SLC25A18: variants seen among roughly 807,000 people sequenced by gnomAD.
SLC25A18 encodes the protein solute carrier family 25 member 18, also known as mitochondrial glutamate carrier 2.
A neutral mutation model predicts 31.1 loss-of-function variants in SLC25A18; 24 were observed. The ratio of observed to expected loss-of-function variants is 0.77; its 90% CI spans 0.56 to 1.08. The LOEUF is 1.08. Ranked by LOEUF, SLC25A18 falls within the 50% of genes least tolerant of loss-of-function variation. The pLI, the probability that SLC25A18 is intolerant of heterozygous loss-of-function variation, is 0.00. For synonymous variants in SLC25A18, 173 were observed against 161.9 expected (o/e 1.07, Z -0.52); for missense variants, 371 against 418.5 (o/e 0.89, Z 0.99).
At chr22:17,586,398 C>G (rs1294896023) in intron 7 of SLC25A18, among the ~76,000 whole-genome samples, 4 of 149,194 alleles carry the variant, frequency 2.7e-5, no homozygotes, top group Non-Finnish European at 5.9e-5. Context: ...AATCCCAGCA[C>G]TTTGGGAGGC....
intron 2 of SLC25A18, among the ~76,000 whole-genome samples, chr22:17,573,169 G>C (rs1056231377): frequency 6.6e-6 from 1 of 152,128 alleles, no homozygotes; most frequent in South Asian, 2.1e-4. Context: ...AGCACTTTAA[G>C]AAAGGGAGCA....
chr22:17,587,823 C>A, intron 8 of SLC25A18, 102 bp from the exon 9 acceptor site: 2 of 1,461,732 alleles, frequency 1.4e-6, no homozygotes, highest in African/African-American at 1.4e-5. Context: ...CGTGGCTCCT[C>A]TCACTGTAAG....
intron 10 of SLC25A18, 39 bp downstream of exon 10, chr22:17,589,704 G>T (rs2057663280): frequency 6.3e-7 from 1 of 1,586,834 alleles, no homozygotes; most frequent in Non-Finnish European, 8.7e-7. Flanking sequence ...GCTGGGACAG[G>T]TTCCTCTGCG....
In SLC25A18 at chr22:17,590,140, T is replaced by C. The variant is rs1179630427; in HGVS notation, c.852T>C (p.Ala284=). Residue 284 remains alanine (A), a synonymous_variant, in exon 11 of 11, where the codon GCT becomes GCC. Transcript: ENST00000327451. ...QEGPSAFMKG[A]GCRALVIAPL... ...GACCATCTGCCTTCATGAAAGGCGCTGGCTGCCGGGCACTGGTCATAGCAC... is the reference window on the plus strand; with the variant it reads ...GACCATCTGCCTTCATGAAAGGCGCCGGCTGCCGGGCACTGGTCATAGCAC... 3.7e-6 allele frequency: 6 copies of C among 1,614,254 alleles called. No individual in the cohort carries two copies. Among genetic ancestry groups the C allele is most frequent in the Non-Finnish European group, 5.1e-6 (6 of 1,180,050 alleles).
intron 2 of SLC25A18, among the ~76,000 whole-genome samples, chr22:17,571,718 G>A (rs117420815): frequency 0.018 from 2,731 of 148,668 alleles, 40 homozygotes; most frequent in Middle Eastern, 0.081. Flanking sequence ...TCACACCACC[G>A]CACTCCAGCC....
chr22:17,578,992 C>A (rs533310168), intron 2 of SLC25A18, among the ~76,000 whole-genome samples: 3 of 152,320 alleles, frequency 2.0e-5, no homozygotes, highest in African/African-American at 7.2e-5. Context: ...GGTTTCTCAA[C>A]AAGATCACAT....
intron 2 of SLC25A18, among the ~76,000 whole-genome samples, chr22:17,571,291 C>A (rs1023127978): frequency 1.3e-5 from 2 of 152,074 alleles, no homozygotes; most frequent in African/African-American, 4.8e-5. Context: ...AGTGGCTGCA[C>A]AGAAGGGGAA....
chr22:17,567,518 G>C (rs1052509113), intron 1 of SLC25A18, among the ~76,000 whole-genome samples: 1 of 151,304 alleles, frequency 6.6e-6, no homozygotes, highest in Non-Finnish European at 1.5e-5. Flanking sequence ...TGACTTCAAA[G>C]TATCCAGTGC....
At chr22:17,580,936 G>C (rs1348757184) in intron 3 of SLC25A18, 101 bp from the exon 4 acceptor site, 10 of 1,460,392 alleles carry the variant, frequency 6.8e-6, no homozygotes, top group Non-Finnish European at 8.2e-6. Flanking sequence ...TGGGGCTGGG[G>C]TTCCCCACTG....
intron 2 of SLC25A18, among the ~76,000 whole-genome samples, chr22:17,576,267 G>C (rs1296814): frequency 0.17 from 25,235 of 151,792 alleles, 2,311 homozygotes; most frequent in Non-Finnish European, 0.21. Context: ...CAGGAGAATA[G>C]CTTGAACCCA....
chr22:17,577,161 G>A (rs1030130059), intron 2 of SLC25A18, among the ~76,000 whole-genome samples: 3 of 151,766 alleles, frequency 2.0e-5, no homozygotes, highest in East Asian at 3.9e-4. Context: ...TAGCTGGGAC[G>A]ACAGGCGCCC....
At chr22:17,577,385 T>G (rs1021543013) in intron 2 of SLC25A18, among the ~76,000 whole-genome samples, 7 of 149,208 alleles carry the variant, frequency 4.7e-5, no homozygotes, top group African/African-American at 1.7e-4. Flanking sequence ...CTCAAACTCC[T>G]GACGTCAGGT....
chr22:17,587,910 C>T lies in SLC25A18; in HGVS notation c.576-15C>T. ...GGCAGCTCGGAGCTCAGTGTTTCTC[C>T]TTCCTCTTCTGCAGAGACATTCCTT... On this transcript the variant is annotated splice_polypyrimidine_tract_variant and intron_variant, in intron 8 of 10. Transcript: ENST00000327451. 3 of 1,613,968 alleles carry T rather than the reference C, an allele frequency of 1.9e-6. No individual in the cohort carries two copies. The highest frequency in any genetic ancestry group is 2.2e-5 in the East Asian group (1 of 44,862).
chr22:17,584,445 A>G (rs868453792), intron 7 of SLC25A18, among the ~76,000 whole-genome samples: 54 of 116,154 alleles, frequency 4.6e-4, no homozygotes, highest in Admixed American at 2.1e-3. Flanking sequence ...GAAGGAAGGA[A>G]GGAGAGAGAG....
intron 2 of SLC25A18, among the ~76,000 whole-genome samples, 181 bp from the exon 3 acceptor site, chr22:17,579,564 C>T (rs2057318612): frequency 6.6e-6 from 1 of 152,178 alleles, no homozygotes; most frequent in Non-Finnish European, 1.5e-5. Flanking sequence ...ATCCTTCTCT[C>T]TCATTCCCCT....
Position 17,579,836 on chromosome 22 carries a change from T to TA in SLC25A18, c.-108dup. The TA allele has an allele frequency of 6.6e-7, 1 of 1,513,844 alleles. No individual in the cohort carries two copies. Among genetic ancestry groups the TA allele is most frequent in the Non-Finnish European group, 8.9e-7 (1 of 1,126,484 alleles). 93.8% of individuals were successfully genotyped at this position (1,513,844 alleles called of 1,614,324 possible). A position where few individuals can be genotyped will look rare whatever the true frequency, so the allele number is the denominator to read the frequency against. ...AAAACCCGTGCTCTGTCCACACTGC[T>TA]ACGGGGCCAGAGCCAAGGAAGCTTC... On this transcript the variant is annotated 5_prime_UTR_variant, in exon 3 of 11. Coordinates refer to ENST00000327451, the MANE Select transcript of SLC25A18 (RefSeq NM_031481.3).
intron 4 of SLC25A18, 64 bp from the exon 5 acceptor site, chr22:17,581,294 C>G: frequency 6.2e-7 from 1 of 1,604,256 alleles, no homozygotes; most frequent in Admixed American, 1.7e-5. Flanking sequence ...CCCGCGGGAG[C>G]AGGGCATGGA....
At position 17,590,119 on chromosome 22, in the gene SLC25A18, A is replaced by G. The variant is rs763832302; in HGVS notation, c.831A>G (p.Pro277=). The G allele has an allele frequency of 1.9e-6, 3 of 1,614,086 alleles. No homozygotes were observed. Among genetic ancestry groups the G allele is most frequent in the African/African-American group, 2.7e-5 (2 of 74,938 alleles). Residue 277 remains proline (P), a synonymous_variant, in exon 11 of 11, where the codon CCA becomes CCG. Coordinates refer to ENST00000327451, the MANE Select transcript of SLC25A18 (RefSeq NM_031481.3). The part of the protein sequence containing the change: ...CARKLWIQEG[P]SAFMKGAGCR... The stretch of plus-strand genomic sequence containing the variant: ...GGAAACTCTGGATTCAGGAGGGACC[A>G]TCTGCCTTCATGAAAGGCGCTGGCT...
chr22:17,589,942 G>A (rs544085282), intron 10 of SLC25A18, among the ~76,000 whole-genome samples, 153 bp from the exon 11 acceptor site: 5 of 152,298 alleles, frequency 3.3e-5, no homozygotes, highest in South Asian at 2.1e-4. Flanking sequence ...TGCACCTAGC[G>A]GGCGAGGCAC....
Sources: allele counts gnomAD v4.1 joint callset (sites outside exome capture counted in the v4.1 genomes callset), GRCh38; gene constraint gnomAD v4.1.1; transcripts MANE v1.5; gene names NCBI Gene and HGNC (gene_info 2026-07-23, HGNC 2026-07-21).